The following PTCD3 variants were observed in gnomAD, a reference collection of about 807,000 sequenced individuals.
PTCD3 encodes the protein pentatricopeptide repeat domain 3.
Under a neutral mutation model 101.9 loss-of-function variants are expected in PTCD3, and 89 were observed. The ratio of observed to expected loss-of-function variants is 0.87; its 90% CI spans 0.74 to 1.04. The LOEUF (loss-of-function observed/expected upper bound fraction) is 1.04, where lower values mean the gene tolerates loss of function less well. Ranked by LOEUF, PTCD3 falls within the 50% of genes least tolerant of loss-of-function variation. The pLI is 0.00. For synonymous variants in PTCD3, 296 were observed against 278.5 expected (o/e 1.06, Z -0.63); for missense variants, 870 against 828.2 (o/e 1.05, Z -0.62).
intron 13 of PTCD3, 48 bp from the exon 14 acceptor site, chr2:86,127,891 CTG>C: frequency 7.1e-7 from 1 of 1,403,204 alleles, no homozygotes; most frequent in Non-Finnish European, 1.0e-6. Flanking sequence ...TTTTGGATTG[CTG>C]TGTTTTTACC....
chr2:86,118,417 C>G (rs1257201093), intron 6 of PTCD3, among the ~76,000 whole-genome samples: 8 of 152,222 alleles, frequency 5.3e-5, no homozygotes, highest in Admixed American at 5.2e-4. Flanking sequence ...CCCTACATCT[C>G]TCTGCTTCCC....
chr2:86,134,254 A>G, intron 19 of PTCD3, 38 bp from the exon 20 acceptor site: 5 of 1,462,332 alleles, frequency 3.4e-6, no homozygotes, highest in South Asian at 1.2e-5. Flanking sequence ...TTGGTTTTAC[A>G]TAACAATGAT....
At position 86,133,401 on chromosome 2, in the gene PTCD3, C is replaced by A. The variant is rs1346258791; in HGVS notation, c.1508C>A (p.Ala503Asp). The A allele has an allele frequency of 1.2e-6, 2 of 1,614,002 alleles. No homozygotes were observed. Among genetic ancestry groups the A allele is most frequent in the Non-Finnish European group, 1.7e-6 (2 of 1,179,958 alleles). The change falls in exon 19 of 24, where the codon GCC becomes GAC. Residue 503 changes from alanine to aspartate, a missense_variant. Coordinates refer to ENST00000254630, the MANE Select transcript of PTCD3 (RefSeq NM_017952.6). ...CATCTTCTCCAAGCATTGGATGTGG[C>A]CAATCGGCTAGAAGTGATTCCTAAA... ...MIHLLQALDV[A>D]NRLEVIPKIW...
chr2:86,117,766 TC>T (rs2104451664), intron 6 of PTCD3, among the ~76,000 whole-genome samples: 1 of 152,072 alleles, frequency 6.6e-6, no homozygotes, highest in South Asian at 2.1e-4. Flanking sequence ...TTGCTCTTGA[TC>T]CGCTTCTTTT....
intron 16 of PTCD3, among the ~76,000 whole-genome samples, 173 bp from the exon 17 acceptor site, chr2:86,132,145 A>G (rs1421008329): frequency 2.6e-5 from 4 of 152,228 alleles, no homozygotes; most frequent in Admixed American, 6.5e-5. Context: ...ATTGTAATAA[A>G]TTTCACAGAA....
chr2:86,135,592 G>T (rs913575926), intron 21 of PTCD3, among the ~76,000 whole-genome samples: 2 of 152,180 alleles, frequency 1.3e-5, no homozygotes, highest in Non-Finnish European at 2.9e-5. Flanking sequence ...TTTTGTAGGG[G>T]TAGTGACAGG....
chr2:86,140,397 T>C lies in PTCD3; in HGVS notation c.*2838T>C, dbSNP rs765406151. On this transcript the variant is annotated 3_prime_UTR_variant, in exon 24 of 24. Transcript: ENST00000254630. ...AGGGTTTGAAATCAGTTTTTGTGGG[T>C]GATTGCAATTTTTTAATGAAATGCA... 2.6e-5 allele frequency: 4 copies of C among 152,188 alleles called. No individual in the cohort carries two copies. The highest frequency in any genetic ancestry group is 4.8e-5 in the African/African-American group (2 of 41,426). The allele number at this position is 152,188 out of a possible 1,614,324, so 9.4% of individuals were successfully genotyped here. A position where few individuals can be genotyped will look rare whatever the true frequency, so the allele number is the denominator to read the frequency against.
intron 7 of PTCD3, among the ~76,000 whole-genome samples, chr2:86,119,973 C>G (rs533151255): frequency 2.0e-5 from 3 of 152,206 alleles, no homozygotes; most frequent in Non-Finnish European, 4.4e-5. Flanking sequence ...ATCTAGAGTG[C>G]TATTTGGTGA....
chr2:86,130,780 A>C (rs767636597), intron 15 of PTCD3, 43 bp downstream of exon 15: 2 of 1,605,866 alleles, frequency 1.2e-6, no homozygotes, highest in Admixed American at 3.4e-5. Flanking sequence ...CTAAAGACAG[A>C]GGGCCGGTTT....
chr2:86,116,080 A>G (rs1674171235), intron 4 of PTCD3, among the ~76,000 whole-genome samples: 1 of 152,244 alleles, frequency 6.6e-6, no homozygotes, highest in Non-Finnish European at 1.5e-5. Flanking sequence ...CAAGTCTTGT[A>G]GAGCTGAGAG....
intron 3 of PTCD3, among the ~76,000 whole-genome samples, chr2:86,109,233 G>A (rs1192863122): frequency 2.0e-5 from 3 of 152,064 alleles, no homozygotes; most frequent in Non-Finnish European, 2.9e-5. Flanking sequence ...GTGAAACCCC[G>A]TCTCTACTAA....
In PTCD3 at chr2:86,137,023, C is replaced by CT. The variant is rs760178691; in HGVS notation, c.1863dup (p.Asn622Ter). 9.3e-6 allele frequency: 15 copies of CT among 1,613,804 alleles called. No homozygotes were observed. In the Admixed American group the frequency reaches 1.2e-4, roughly 13 times the overall value. On this transcript the variant is annotated frameshift_variant, in exon 23 of 24. Coordinates refer to ENST00000254630, the MANE Select transcript of PTCD3 (RefSeq NM_017952.6). LOFTEE classifies it high-confidence loss of function. The stretch of plus-strand genomic sequence containing the variant: ...GAGCTTATGGACAGTGCAAAAGTGT[C>CT]TAACAGCCCTTCCCAGGCCATTGAA...
rs146178520 is a variant in PTCD3 at position 86,132,392 on chromosome 2, C to T, written c.1341C>T (p.Phe447=). The change falls in exon 17 of 24, where the codon TTC becomes TTT. Residue 447 remains phenylalanine, a synonymous_variant. Transcript: ENST00000254630. ...TAAAAACCGGAGACAACTGGAAATT[C>T]ATTGGACCTGATCAACATCGTAATT... ...GLLKTGDNWK[F]IGPDQHRNFY... The T allele has an allele frequency of 3.7e-6, 6 of 1,604,138 alleles. No individual in the cohort carries two copies. The highest frequency in any genetic ancestry group is 5.1e-6 in the Non-Finnish European group (6 of 1,171,212).
intron 3 of PTCD3, chr2:86,108,895 C>A: frequency 9.8e-6 from 2 of 204,786 alleles, no homozygotes; most frequent in Non-Finnish European, 1.9e-5. Flanking sequence ...TCTTTATTAT[C>A]TCTAATGAGG....
intron 7 of PTCD3, among the ~76,000 whole-genome samples, chr2:86,119,880 C>T (rs1440145760): frequency 3.3e-5 from 5 of 152,208 alleles, no homozygotes; most frequent in Admixed American, 6.5e-5. Flanking sequence ...TGCGGAGCTA[C>T]ACACGTAAAT....
chr2:86,118,775 T>C (rs1674224937), intron 6 of PTCD3, 146 bp from the exon 7 acceptor site: 1 of 835,002 alleles, frequency 1.2e-6, no homozygotes. Context: ...GATGTTAAAA[T>C]GATCAGTAGT....
Position 86,117,168 on chromosome 2 carries a change from A to G in PTCD3, c.414+9A>G, listed in dbSNP as rs112609593. 2.0e-5 allele frequency: 19 copies of G among 948,626 alleles called. No homozygotes were observed. Among genetic ancestry groups the G allele is most frequent in the African/African-American group, 1.6e-4 (10 of 61,456 alleles). The allele number at this position is 948,626 out of a possible 1,614,324, so 58.8% of individuals were successfully genotyped here. ...CTGAACCTCATATACCGGTAAGGAG[A>G]GGTAGTTACATTATTTACATAATAC... On this transcript the variant is annotated intron_variant, in intron 6 of 23. Coordinates refer to ENST00000254630, the MANE Select transcript of PTCD3 (RefSeq NM_017952.6).
intron 12 of PTCD3, among the ~76,000 whole-genome samples, chr2:86,126,298 G>A (rs998888152): frequency 6.6e-6 from 1 of 151,880 alleles, no homozygotes; most frequent in Non-Finnish European, 1.5e-5. Context: ...CATGTGTATG[G>A]CAGTCACTGT....
chr2:86,130,356 T>C (rs1258497811), intron 14 of PTCD3, among the ~76,000 whole-genome samples: 1 of 152,176 alleles, frequency 6.6e-6, no homozygotes, highest in Non-Finnish European at 1.5e-5. Flanking sequence ...GAGTGTGTGT[T>C]ACTGTCTGCC....
Sources: allele counts gnomAD v4.1 joint callset (sites outside exome capture counted in the v4.1 genomes callset), GRCh38; gene constraint gnomAD v4.1.1; transcripts MANE v1.5; gene names NCBI Gene and HGNC (gene_info 2026-07-23, HGNC 2026-07-21).